Variants in SENP1 observed in about 807,000 individuals in gnomAD.
The protein encoded by SENP1 is sentrin-specific protease 1.
SENP1 carries 21 observed loss-of-function variants against 93.0 expected under a neutral mutation model. That is an observed-to-expected ratio of 0.23 (90% CI 0.16 to 0.33). SENP1 has a LOEUF of 0.33. Among genes scored for constraint, SENP1 ranks in the 10% least tolerant of loss-of-function variants. The probability of loss-of-function intolerance (pLI) is 1.00; values close to 1 mark genes in which losing one functional copy is unlikely to be tolerated. For missense variants in SENP1, 591 were observed against 758.7 expected, an observed-to-expected ratio of 0.78 and a Z score of 2.60; for synonymous variants, 256 against 259.6, an observed-to-expected ratio of 0.99 and a Z score of 0.13.
chr12:48,088,758 T>C (rs974861117), intron 5 of SENP1, 43 bp downstream of exon 5: 8 of 1,563,824 alleles, frequency 5.1e-6, no homozygotes, highest in Admixed American at 1.8e-5. Context: ...CTTTCTCTTA[T>C]GTCTGAGGAA....
chr12:48,067,155 T>C (rs747543542), intron 9 of SENP1, among the ~76,000 whole-genome samples, 190 bp from the exon 10 acceptor site: 4 of 152,232 alleles, frequency 2.6e-5, no homozygotes, highest in Non-Finnish European at 4.4e-5. Context: ...TCCTTATGCA[T>C]ACATATTAGT....
chr12:48,071,019 A>C (rs888272972), intron 9 of SENP1, among the ~76,000 whole-genome samples: 8 of 152,150 alleles, frequency 5.3e-5, no homozygotes, highest in African/African-American at 1.9e-4. Context: ...AGGAGTTCAA[A>C]GCTCCAGTGA....
rs367604311 is a variant in SENP1 at position 48,083,689 on chromosome 12, T to C, written c.454A>G (p.Ile152Val). The C allele has an allele frequency of 3.8e-5, 61 of 1,613,516 alleles. No homozygotes were observed. The highest frequency in any genetic ancestry group is 2.0e-4 in the Admixed American group (12 of 59,966). The change falls in exon 6 of 18, where the codon ATT becomes GTT. Residue 152 changes from isoleucine to valine, a missense_variant. This residue lies in a region of SENP1 where 214 missense variants were observed against 243.4 expected (regional missense o/e 0.88). Transcript: ENST00000549518. ...HVSAYEKSFPIKPVPSPSWSG... is the reference protein window; with the variant it reads ...HVSAYEKSFPVKPVPSPSWSG... ...CAAGATGGACTTGGAACAGGTTTAA[T>C]AGGAAAAGATTTTTCATATGCAGAT...
chr12:48,078,317 TTATATA>T (rs370021236), intron 6 of SENP1, among the ~76,000 whole-genome samples: 7 of 70,738 alleles, frequency 9.9e-5, no homozygotes, highest in South Asian at 6.6e-4. Context: ...CTGTAGGATT[TTATATA>T]TATATATATA....
chr12:48,080,560 A>G (rs1486103843), intron 6 of SENP1: 3 of 152,304 alleles, frequency 2.0e-5, no homozygotes, highest in Non-Finnish European at 4.4e-5. Flanking sequence ...ACATAACCAA[A>G]TGTACCTCTG....
intron 13 of SENP1, among the ~76,000 whole-genome samples, chr12:48,053,417 G>A (rs1167094469): frequency 6.7e-6 from 1 of 149,804 alleles, no homozygotes; most frequent in African/African-American, 2.5e-5. Flanking sequence ...GTTTGAGGCT[G>A]CAGTGAGCTA....
chr12:48,043,524 AC>A lies in SENP1; in HGVS notation c.*1797del. On this transcript the variant is annotated 3_prime_UTR_variant, in exon 18 of 18. Transcript: ENST00000549518. The stretch of plus-strand genomic sequence containing the variant: ...GAGTCCTGCAATGAGACTGCATGCC[AC>A]AGCTTTCTAAAAGAGAATGTGAAGG... 6.5e-6 allele frequency: 1 copy of A among 152,774 alleles called. No homozygotes were observed. Among genetic ancestry groups the A allele is most frequent in the East Asian group, 1.9e-4 (1 of 5,192 alleles). The allele number at this position is 152,774 out of a possible 1,614,324, so 9.5% of individuals were successfully genotyped here.
Position 48,069,847 on chromosome 12 carries a change from T to A in SENP1, c.995+1820A>T, listed in dbSNP as rs145503156. The stretch of plus-strand genomic sequence containing the variant: ...AAAAGACTTAACAAATAGAGAATTT[T>A]AAGAAATATTTAAAGCTTAGAACAT... On this transcript the variant is annotated intron_variant, in intron 9 of 17. Coordinates refer to ENST00000549518, the MANE Select transcript of SENP1 (RefSeq NM_001267594.2). Among the ~76,000 whole-genome samples the A allele has an allele frequency of 3.4e-3, 516 of 152,270 alleles. 1 individual carries two copies. The highest frequency in any genetic ancestry group is 5.5e-3 in the Non-Finnish European group (372 of 68,012).
intron 13 of SENP1, among the ~76,000 whole-genome samples, chr12:48,050,086 C>A (rs906329154): frequency 6.6e-6 from 1 of 152,114 alleles, no homozygotes; most frequent in Non-Finnish European, 1.5e-5. Context: ...GTTATCGTGC[C>A]GGAAGTTACT....
intron 1 of SENP1, among the ~76,000 whole-genome samples, chr12:48,104,426 T>C (rs142884965): frequency 1.8e-3 from 273 of 152,210 alleles, no homozygotes; most frequent in African/African-American, 5.6e-3. Flanking sequence ...ATGTGTACAA[T>C]AGTTTGTACT....
chr12:48,094,106 G>A (rs374411385), intron 4 of SENP1, among the ~76,000 whole-genome samples: 1 of 152,210 alleles, frequency 6.6e-6, no homozygotes, highest in Non-Finnish European at 1.5e-5. Flanking sequence ...GGGGTGCAGT[G>A]GCTCACACCT....
rs1329440625 is a variant in SENP1, at chr12:48,089,036, C to CATTGAA, written c.221-77_221-76insTTCAAT. On this transcript the variant is annotated intron_variant, in intron 4 of 17. Coordinates refer to ENST00000549518, the MANE Select transcript of SENP1 (RefSeq NM_001267594.2). ...CCTTATGACTGCAACCATGACCAACCATTGTATTCCAAAGTAATGTGGCAT... is the reference window on the plus strand; with the variant it reads ...CCTTATGACTGCAACCATGACCAACCATTGAAATTGTATTCCAAAGTAATGTGGCAT... 3.3e-6 allele frequency: 5 copies of CATTGAA among 1,533,284 alleles called. No individual in the cohort carries two copies. The East Asian group carries it at 6.8e-5, about 21-fold the overall frequency. 95.0% of individuals were successfully genotyped at this position (1,533,284 alleles called of 1,614,324 possible).
intron 12 of SENP1, 76 bp from the exon 13 acceptor site, chr12:48,063,917 T>G: frequency 1.5e-6 from 2 of 1,310,622 alleles, no homozygotes; most frequent in South Asian, 2.6e-5. Flanking sequence ...AAACCCCATA[T>G]AATCCTCAGA....
intron 5 of SENP1, chr12:48,084,986 G>A (rs1224459951): frequency 2.8e-6 from 2 of 702,826 alleles, no homozygotes; most frequent in South Asian, 2.0e-5. Context: ...GTCTTCTTGG[G>A]TTTGTACGTG....
chr12:48,083,899 A>G (rs1944656364), intron 5 of SENP1, 137 bp from the exon 6 acceptor site: 1 of 604,006 alleles, frequency 1.7e-6, no homozygotes, highest in Non-Finnish European at 2.8e-6. Context: ...TTTGAGGGAA[A>G]GATACAATAA....
At chr12:48,076,881 G>A (rs113650966) in intron 6 of SENP1, among the ~76,000 whole-genome samples, 69 of 152,044 alleles carry the variant, frequency 4.5e-4, no homozygotes, top group Non-Finnish European at 7.8e-4. Flanking sequence ...TCCTGACCTC[G>A]TGATCTGCCT....
intron 6 of SENP1, among the ~76,000 whole-genome samples, chr12:48,081,638 A>G (rs1399819167): frequency 2.2e-5 from 3 of 137,164 alleles, no homozygotes. Context: ...TGGCACAATC[A>G]CAGCTGACCG....
chr12:48,071,691 T>C lies in SENP1; in HGVS notation c.971A>G (p.Lys324Arg), dbSNP rs1943718488. Residue 324 changes from lysine (K) to arginine (R), a missense_variant, in exon 9 of 18, where the codon AAA becomes AGA. Lys to Arg is a conservative substitution (Grantham distance 26). Around this residue, in one of 4 missense-constraint regions of SENP1, gnomAD observed 238 missense variants for 259.1 expected, o/e 0.92. Coordinates refer to ENST00000549518, the MANE Select transcript of SENP1 (RefSeq NM_001267594.2). Reference sequence around the variant, plus strand: ...CCTGGGAGTTGGAGTCTGGGAATCTTTCACTTTCAGTAAAATCACAGAGTC... The same window carrying C: ...CCTGGGAGTTGGAGTCTGGGAATCTCTCACTTTCAGTAAAATCACAGAGTC... ...GSDSVILLKVKDSQTPTPSST... is the reference protein window; with the variant it reads ...GSDSVILLKVRDSQTPTPSST... 6.2e-7 allele frequency: 1 copy of C among 1,609,038 alleles called. No individual in the cohort carries two copies. Among genetic ancestry groups the C allele is most frequent in the Non-Finnish European group, 8.5e-7 (1 of 1,176,018 alleles).
chr12:48,069,285 A>G (rs1943519804), intron 9 of SENP1, among the ~76,000 whole-genome samples: 1 of 152,164 alleles, frequency 6.6e-6, no homozygotes, highest in Non-Finnish European at 1.5e-5. Flanking sequence ...GGTATGACAC[A>G]GCATAGCATA....
Sources: gnomAD v4.1 joint callset for allele counts (sites outside exome capture counted in the v4.1 genomes callset) on GRCh38, gnomAD v4.1.1 for gene constraint, gnomAD v4.1.1 regional missense constraint, MANE v1.5 for transcripts, NCBI Gene and HGNC (gene_info 2026-07-23, HGNC 2026-07-21) for gene names.